IGSF10: variants seen among roughly 807,000 people sequenced by gnomAD.
IGSF10 encodes the protein calvaria mechanical force protein 608.
A neutral mutation model predicts 128.2 loss-of-function variants in IGSF10; 126 were observed. The ratio of observed to expected loss-of-function variants is 0.98; its 90% CI spans 0.85 to 1.14. The LOEUF is 1.14. IGSF10 is among the 50% of genes most tolerant of loss of function. The pLI is 0.00. For synonymous variants in IGSF10, 1,185 were observed against 1,146.2 expected (o/e 1.03, Z -0.68); for missense variants, 3,295 against 3,149.8 (o/e 1.05, Z -1.10).
At chr3:151,516,648 C>T in the IGSF10 span, among the ~76,000 whole-genome samples, 1 of 151,660 alleles carries the variant, frequency 6.6e-6, no homozygotes, top group East Asian at 1.9e-4. Flanking sequence ...AGAAGGGCAT[C>T]ATTTGTTAAG....
In IGSF10 at chr3:151,446,967, G is replaced by A. The variant is rs567335058; in HGVS notation, c.3014C>T (p.Pro1005Leu). Residue 1005 changes from proline to leucine, a missense_variant, in exon 6 of 8, where the codon CCG becomes CTG. Transcript: ENST00000282466. ...PIPRNSTVNI[P>L]LFRRFGRQRK... ...CTGCCTCCCAAAGCGTCTGAACAGC[G>A]GGATGTTAACTGTACTATTTCTAGG... 1.8e-5 allele frequency: 29 copies of A among 1,614,162 alleles called. No homozygotes were observed. The highest frequency in any genetic ancestry group is 8.9e-5 in the East Asian group (4 of 44,886).
the IGSF10 span, among the ~76,000 whole-genome samples, chr3:151,602,553 T>A: frequency 6.6e-6 from 1 of 152,124 alleles, no homozygotes; most frequent in South Asian, 2.1e-4. Context: ...GTAAAAATGG[T>A]TTATCATATT....
chr3:151,468,583 T>C, the IGSF10 span, among the ~76,000 whole-genome samples: 1 of 152,314 alleles, frequency 6.6e-6, no homozygotes, highest in East Asian at 1.9e-4. Flanking sequence ...GTAATACCTT[T>C]AAATGAACAT....
chr3:151,525,062 G>A, the IGSF10 span, among the ~76,000 whole-genome samples: 1 of 103,588 alleles, frequency 9.7e-6, no homozygotes, highest in Non-Finnish European at 1.8e-5. Flanking sequence ...GCCTTGCTCT[G>A]TCACCCCAGC....
Position 151,443,780 on chromosome 3 carries a change from A to G in IGSF10, c.5167T>C (p.Cys1723Arg), listed in dbSNP as rs749618759. Reference sequence around the variant, plus strand: ...GTGCCAAACAGATTGGATGCGGAACACAAGTACTGTCCGCGGTCCTGAATT... The same window carrying G: ...GTGCCAAACAGATTGGATGCGGAACGCAAGTACTGTCCGCGGTCCTGAATT... ...VEIQDRGQYL[C>R]SASNLFGTDH... Residue 1723 changes from cysteine to arginine, a missense_variant, in exon 7 of 8, where the codon TGT becomes CGT. By Grantham distance (180) the Cys-to-Arg change is radical (BLOSUM62 -3). Coordinates refer to ENST00000282466, the MANE Select transcript of IGSF10 (RefSeq NM_178822.5). 14 of 1,614,082 alleles carry G rather than the reference A, an allele frequency of 8.7e-6. No homozygotes were observed. In the African/African-American group the frequency reaches 1.3e-4, roughly 15 times the overall value.
At chr3:151,581,738 C>A in the IGSF10 span, among the ~76,000 whole-genome samples, 5 of 152,134 alleles carry the variant, frequency 3.3e-5, no homozygotes, top group Non-Finnish European at 5.9e-5. Context: ...TTCAATTCTC[C>A]ATATTTTAGT....
chr3:151,540,596 C>A, the IGSF10 span, among the ~76,000 whole-genome samples: 20 of 152,274 alleles, frequency 1.3e-4, no homozygotes, highest in Non-Finnish European at 2.1e-4. Context: ...GTGATGTGAA[C>A]ATTCTTGTTC....
At chr3:151,534,481 A>G in the IGSF10 span, among the ~76,000 whole-genome samples, 1 of 152,352 alleles carries the variant, frequency 6.6e-6, no homozygotes, top group African/African-American at 2.4e-5. Flanking sequence ...GCCATAAAAA[A>G]TGATGAGTTC....
Position 151,447,590 on chromosome 3 carries a change from T to C in IGSF10, c.2391A>G (p.Ser797=), listed in dbSNP as rs761758665. The part of the protein sequence containing the change: ...PNIPGEEDDS[S]GMLALHEEFM... ...ATTCCTCATGTAGAGCGAGCATGCC[T>C]GAGGAATCGTCTTCTTCACCAGGTA... Residue 797 remains serine, a synonymous_variant, in exon 6 of 8, where the codon TCA becomes TCG. Coordinates refer to ENST00000282466, the MANE Select transcript of IGSF10 (RefSeq NM_178822.5). The C allele has an allele frequency of 6.2e-7, 1 of 1,614,182 alleles. No individual in the cohort carries two copies. The highest frequency in any genetic ancestry group is 8.5e-7 in the Non-Finnish European group (1 of 1,180,030).
Position 151,446,099 on chromosome 3 carries a change from A to C in IGSF10, c.3882T>G (p.Leu1294=). Residue 1294 remains leucine (L), a synonymous_variant, in exon 6 of 8, where the codon CTT becomes CTG. Coordinates refer to ENST00000282466, the MANE Select transcript of IGSF10 (RefSeq NM_178822.5). ...PTKKELPFPP[L]NPMLPSIISK... ...TTATAATACTAGGAAGCATAGGGTT[A>C]AGGGGTGGGAAGGGAAGCTCCTTCT... 6.2e-7 allele frequency: 1 copy of C among 1,614,116 alleles called. No individual in the cohort carries two copies.
At position 151,446,163 on chromosome 3, in the gene IGSF10, G is replaced by A. The variant is rs2108550234; in HGVS notation, c.3818C>T (p.Thr1273Ile). ...PSNTLTTAHH[T>I]TTKTHNPGSL... Reference sequence around the variant, plus strand: ...TCCAGGATTGTGTGTTTTGGTCGTAGTGTGGTGAGCGGTAGTCAAGGTATT... The same window carrying A: ...TCCAGGATTGTGTGTTTTGGTCGTAATGTGGTGAGCGGTAGTCAAGGTATT... Residue 1273 changes from threonine to isoleucine, a missense_variant, in exon 6 of 8, where the codon ACT becomes ATT. Thr to Ile is a moderately conservative substitution (Grantham distance 89). Transcript: ENST00000282466. The A allele has an allele frequency of 6.2e-7, 1 of 1,614,190 alleles. No homozygotes were observed. The highest frequency in any genetic ancestry group is 2.2e-5 in the East Asian group (1 of 44,878).
chr3:151,451,067 G>A (rs1721488352), intron 5 of IGSF10, among the ~76,000 whole-genome samples: 2 of 151,986 alleles, frequency 1.3e-5, no homozygotes, highest in Admixed American at 6.6e-5. Context: ...ATTATTGCTT[G>A]CACTGAGCCA....
chr3:151,537,949 T>C, the IGSF10 span, among the ~76,000 whole-genome samples: 3 of 152,190 alleles, frequency 2.0e-5, no homozygotes, highest in Non-Finnish European at 4.4e-5. Flanking sequence ...GCCAAAAGAT[T>C]TGAAATCCTC....
At chr3:151,460,407 AC>A in intron 1 of IGSF10, 60 bp from the exon 2 acceptor site, 1 of 501,686 alleles carries the variant, frequency 2.0e-6, no homozygotes, top group Non-Finnish European at 2.6e-6. Context: ...TTTTTGGCTT[AC>A]AGCCAGGAGT....
chr3:151,457,032 G>A lies in IGSF10; in HGVS notation c.318C>T (p.Ala106=). 1.2e-6 allele frequency: 2 copies of A among 1,614,164 alleles called. No individual in the cohort carries two copies. The change falls in exon 4 of 8, where the codon GCC becomes GCT. Residue 106 remains alanine (A), a synonymous_variant. Coordinates refer to ENST00000282466, the MANE Select transcript of IGSF10 (RefSeq NM_178822.5). ...CTCTCTCCATCAGTCTCACCTGCAAGGCCTGCAAATCTGAGAAGGTCTTGT... is the reference window on the plus strand; with the variant it reads ...CTCTCTCCATCAGTCTCACCTGCAAAGCCTGCAAATCTGAGAAGGTCTTGT... ...IPDKTFSDLQ[A]LQVLKMSYNK...
the IGSF10 span, among the ~76,000 whole-genome samples, chr3:151,578,928 AAGAAAC>A: frequency 6.6e-6 from 1 of 152,186 alleles, no homozygotes; most frequent in East Asian, 1.9e-4. Context: ...AGGATAAAGA[AAGAAAC>A]AGAATGTTTC....
At chr3:151,460,708 TATTG>T (rs1262788385) in intron 1 of IGSF10, among the ~76,000 whole-genome samples, 2 of 152,076 alleles carry the variant, frequency 1.3e-5, no homozygotes, top group Admixed American at 6.5e-5. Flanking sequence ...TGTCTCCATC[TATTG>T]ATTGTCTTTC....
downstream of IGSF10, chr3:151,432,870 C>A: frequency 8.5e-7 from 1 of 1,181,934 alleles, no homozygotes; most frequent in South Asian, 1.5e-5. Context: ...AAATTTAATG[C>A]ATTAGTCATC....
the IGSF10 span, among the ~76,000 whole-genome samples, chr3:151,506,640 G>A: frequency 1.3e-5 from 2 of 152,178 alleles, no homozygotes; most frequent in African/African-American, 2.4e-5. Flanking sequence ...TTGATCAAAT[G>A]TAGGCCTAAA....
Sources: gnomAD v4.1 joint callset for allele counts (sites outside exome capture counted in the v4.1 genomes callset) on GRCh38, gnomAD v4.1.1 for gene constraint, MANE v1.5 for transcripts, NCBI Gene and HGNC (gene_info 2026-07-23, HGNC 2026-07-21) for gene names.